Variants in SLC24A3 observed in about 807,000 individuals in gnomAD.
The protein encoded by SLC24A3 is solute carrier family 24 member 3.
SLC24A3 carries 28 observed loss-of-function variants against 75.8 expected under a neutral mutation model. That is an observed-to-expected ratio of 0.37 (90% CI 0.27 to 0.51). The LOEUF (loss-of-function observed/expected upper bound fraction) is 0.51. Among genes scored for constraint, SLC24A3 ranks in the 20% least tolerant of loss-of-function variants. SLC24A3 has a pLI of 0.94. For missense variants in SLC24A3, 663 were observed against 847.8 expected, an observed-to-expected ratio of 0.78 and a Z score of 2.71; for synonymous variants, 372 against 334.1, an observed-to-expected ratio of 1.11 and a Z score of -1.24.
At chr20:19,662,532 C>G (rs973597099) in intron 7 of SLC24A3, among the ~76,000 whole-genome samples, 1 of 152,242 alleles carries the variant, frequency 6.6e-6, no homozygotes, top group African/African-American at 2.4e-5. Context: ...ATTTCAACTT[C>G]ACTACCTTGG....
At chr20:19,659,827 CCT>C (rs2032306670) in intron 7 of SLC24A3, among the ~76,000 whole-genome samples, 3 of 152,168 alleles carry the variant, frequency 2.0e-5, no homozygotes, top group East Asian at 1.9e-4. Flanking sequence ...GCCCACTCCC[CCT>C]GTTAGAGACG....
intron 1 of SLC24A3, chr20:19,264,095 G>C (rs1214512904): frequency 1.3e-5 from 2 of 149,466 alleles, no homozygotes; most frequent in African/African-American, 4.9e-5. Flanking sequence ...GTGCACGTCT[G>C]TAGTTCTAGC....
chr20:19,292,777 T>C (rs1983972679), intron 2 of SLC24A3, among the ~76,000 whole-genome samples: 1 of 152,186 alleles, frequency 6.6e-6, no homozygotes, highest in Non-Finnish European at 1.5e-5. Context: ...CTGAATGTCG[T>C]CTAAACGACA....
chr20:19,235,323 G>A (rs1190321335), intron 1 of SLC24A3, among the ~76,000 whole-genome samples: 1 of 152,196 alleles, frequency 6.6e-6, no homozygotes, highest in East Asian at 1.9e-4. Flanking sequence ...GGGTGGTGCT[G>A]TCGCCAGTTT....
chr20:19,225,552 A>T (rs769761826), intron 1 of SLC24A3, among the ~76,000 whole-genome samples: 6 of 152,172 alleles, frequency 3.9e-5, no homozygotes, highest in Non-Finnish European at 5.9e-5. Flanking sequence ...CAGGGTGCAG[A>T]ACAATATATC....
chr20:19,660,185 G>A (rs2032311137), intron 7 of SLC24A3, among the ~76,000 whole-genome samples: 1 of 152,042 alleles, frequency 6.6e-6, no homozygotes, highest in African/African-American at 2.4e-5. Context: ...TTGGTTACAT[G>A]GATGAATTAT....
chr20:19,549,804 C>T (rs1291928500), intron 3 of SLC24A3, among the ~76,000 whole-genome samples: 1 of 152,074 alleles, frequency 6.6e-6, no homozygotes, highest in Non-Finnish European at 1.5e-5. Context: ...CAAAACAATA[C>T]AAACAAAAAA....
At chr20:19,563,535 T>C (rs1236608724) in intron 3 of SLC24A3, among the ~76,000 whole-genome samples, 1 of 152,182 alleles carries the variant, frequency 6.6e-6, no homozygotes, top group African/African-American at 2.4e-5. Context: ...TTCTCCTCCC[T>C]CCTCCACAGA....
chr20:19,504,375 C>T (rs1267673164), intron 2 of SLC24A3, among the ~76,000 whole-genome samples: 2 of 152,188 alleles, frequency 1.3e-5, no homozygotes, highest in African/African-American at 2.4e-5. Flanking sequence ...AACCTCCAGC[C>T]ATTTAGCATG....
intron 2 of SLC24A3, among the ~76,000 whole-genome samples, chr20:19,324,492 T>G (rs574649026): frequency 1.1e-3 from 172 of 152,332 alleles, no homozygotes; most frequent in Non-Finnish European, 2.3e-3. Context: ...CTTTCTCAGG[T>G]TGGCACTAAG....
At chr20:19,432,666 A>G (rs1156701025) in intron 2 of SLC24A3, among the ~76,000 whole-genome samples, 3 of 152,186 alleles carry the variant, frequency 2.0e-5, no homozygotes, top group Non-Finnish European at 1.5e-5. Flanking sequence ...GTAATATTGC[A>G]CTGCGGAGAC....
intron 1 of SLC24A3, among the ~76,000 whole-genome samples, chr20:19,237,778 G>T (rs1211682187): frequency 6.6e-6 from 1 of 152,130 alleles, no homozygotes; most frequent in Non-Finnish European, 1.5e-5. Context: ...GGGGCTCTTG[G>T]TTTGGCCTCC....
At chr20:19,557,757 A>G (rs1183918469) in intron 3 of SLC24A3, among the ~76,000 whole-genome samples, 1 of 152,222 alleles carries the variant, frequency 6.6e-6, no homozygotes, top group East Asian at 1.9e-4. Context: ...TGGGTGTGAC[A>G]AATCTGTTCT....
chr20:19,631,491 C>T (rs548798907), intron 6 of SLC24A3, among the ~76,000 whole-genome samples: 1 of 152,178 alleles, frequency 6.6e-6, no homozygotes, highest in South Asian at 2.1e-4. Context: ...CATGAGATTA[C>T]ATTCCAATAA....
intron 2 of SLC24A3, among the ~76,000 whole-genome samples, chr20:19,408,924 A>G (rs557868599): frequency 2.6e-5 from 4 of 152,350 alleles, no homozygotes; most frequent in African/African-American, 9.6e-5. Context: ...CATTCGGGAA[A>G]CATTTATTGA....
At chr20:19,262,970 C>G (rs960314106) in intron 1 of SLC24A3, among the ~76,000 whole-genome samples, 29 of 151,586 alleles carry the variant, frequency 1.9e-4, no homozygotes, top group African/African-American at 7.0e-4. Context: ...GTATGGGATT[C>G]CAGAAGAGAC....
chr20:19,395,637 A>C (rs966602520), intron 2 of SLC24A3, among the ~76,000 whole-genome samples: 29 of 152,236 alleles, frequency 1.9e-4, no homozygotes, highest in African/African-American at 7.0e-4. Context: ...CTAGTAACTA[A>C]ACGCTGAAAA....
At chr20:19,486,681 C>T (rs1447757473) in intron 2 of SLC24A3, among the ~76,000 whole-genome samples, 1 of 152,184 alleles carries the variant, frequency 6.6e-6, no homozygotes, top group Non-Finnish European at 1.5e-5. Context: ...TTTTTGTCTC[C>T]TGTTTTATCC....
At chr20:19,346,294 T>A (rs1427045049) in intron 2 of SLC24A3, among the ~76,000 whole-genome samples, 1 of 119,734 alleles carries the variant, frequency 8.4e-6, no homozygotes, top group Non-Finnish European at 1.6e-5. Context: ...ATGGTATATA[T>A]ATATGGTGTA....
Sources: gnomAD v4.1 joint callset for allele counts (sites outside exome capture counted in the v4.1 genomes callset) on GRCh38, gnomAD v4.1.1 for gene constraint, MANE v1.5 for transcripts, NCBI Gene and HGNC (gene_info 2026-07-23, HGNC 2026-07-21) for gene names.